FAP: variants seen among roughly 807,000 people sequenced by gnomAD.
FAP encodes the protein prolyl endopeptidase FAP.
A neutral mutation model predicts 126.5 loss-of-function variants in FAP; 110 were observed. That is an observed-to-expected ratio of 0.87 (90% CI 0.74 to 1.02). FAP has a LOEUF of 1.02. Among genes scored for constraint, FAP ranks in the 50% least tolerant of loss-of-function variants. FAP has a pLI of 0.00. For synonymous variants in FAP, 334 were observed against 297.3 expected (o/e 1.12, Z -1.27); for missense variants, 919 against 909.2 (o/e 1.01, Z -0.14).
chr2:162,199,345 G>A (rs1688398751), intron 15 of FAP, among the ~76,000 whole-genome samples: 1 of 152,158 alleles, frequency 6.6e-6, no homozygotes, highest in African/African-American at 2.4e-5. Flanking sequence ...TAAGCAAATT[G>A]GAAATAAGAA....
intron 6 of FAP, among the ~76,000 whole-genome samples, chr2:162,222,994 A>T (rs1689475743): frequency 6.6e-6 from 1 of 151,712 alleles, no homozygotes; most frequent in Non-Finnish European, 1.5e-5. Context: ...CATTCATTTA[A>T]TTTTTTCTTT....
At chr2:162,200,828 T>C (rs927258918) in intron 14 of FAP, among the ~76,000 whole-genome samples, 1 of 152,214 alleles carries the variant, frequency 6.6e-6, no homozygotes, top group African/African-American at 2.4e-5. Flanking sequence ...TAAATTATGC[T>C]GAATACTGTT....
intron 21 of FAP, among the ~76,000 whole-genome samples, chr2:162,180,428 G>T (rs1004060039): frequency 6.6e-6 from 1 of 152,138 alleles, no homozygotes; most frequent in Non-Finnish European, 1.5e-5. Context: ...TGTTGGAAAT[G>T]CACTCTCAGG....
intron 21 of FAP, among the ~76,000 whole-genome samples, chr2:162,179,944 G>C (rs1292528342): frequency 6.6e-6 from 1 of 151,824 alleles, no homozygotes; most frequent in Non-Finnish European, 1.5e-5. Context: ...GAGTAGCTGG[G>C]ATTACAGGCA....
At chr2:162,227,832 C>T (rs1308198007) in intron 2 of FAP, among the ~76,000 whole-genome samples, 2 of 152,122 alleles carry the variant, frequency 1.3e-5, no homozygotes, top group Non-Finnish European at 2.9e-5. Context: ...GTGTCTACAG[C>T]CTTTTCTAGT....
chr2:162,235,175 CCT>C (rs1279530212), intron 2 of FAP, among the ~76,000 whole-genome samples: 3 of 151,872 alleles, frequency 2.0e-5, no homozygotes, highest in Admixed American at 6.6e-5. Context: ...CCGCCCGCCC[CCT>C]GTCACCTCCT....
At chr2:162,194,952 C>G (rs1166572010) in intron 16 of FAP, 1 of 578,582 alleles carries the variant, frequency 1.7e-6, no homozygotes, top group East Asian at 2.9e-5. Flanking sequence ...ACTCAAAGAA[C>G]AGCTGTGAAA....
intron 2 of FAP, among the ~76,000 whole-genome samples, chr2:162,235,775 T>A (rs768842417): frequency 4.6e-5 from 7 of 152,176 alleles, no homozygotes; most frequent in Non-Finnish European, 8.8e-5. Context: ...TTTCGCTCTT[T>A]GCAATAAATC....
At chr2:162,186,046 T>C (rs1300740547) in intron 20 of FAP, among the ~76,000 whole-genome samples, 1 of 152,152 alleles carries the variant, frequency 6.6e-6, no homozygotes, top group Non-Finnish European at 1.5e-5. Flanking sequence ...CAGCTGCCCA[T>C]ATTCTCTGGG....
At position 162,172,793 on chromosome 2, in the gene FAP, T is replaced by C. The variant is rs1360868705; in HGVS notation, c.2181+18A>G. On this transcript the variant is annotated intron_variant, in intron 25 of 25. Transcript: ENST00000188790. ...GAGGGTCTAAGGCCATGAACATGAGTAAAACAAAATTATGTACCATTGCCT... is the reference window on the plus strand; with the variant it reads ...GAGGGTCTAAGGCCATGAACATGAGCAAAACAAAATTATGTACCATTGCCT... The C allele has an allele frequency of 1.3e-6, 2 of 1,589,950 alleles. No homozygotes were observed. Among genetic ancestry groups the C allele is most frequent in the South Asian group, 2.2e-5 (2 of 90,540 alleles).
intron 2 of FAP, among the ~76,000 whole-genome samples, chr2:162,231,700 A>C (rs576433578): frequency 6.6e-6 from 1 of 152,214 alleles, no homozygotes; most frequent in South Asian, 2.1e-4. Context: ...ATGATTTACT[A>C]TTCTCTTAAT....
At position 162,218,045 on chromosome 2, in the gene FAP, C is replaced by A. The variant is rs773891804; in HGVS notation, c.703G>T (p.Ala235Ser). 1.9e-5 allele frequency: 30 copies of A among 1,606,018 alleles called. 1 individual carries two copies. In the South Asian group the frequency reaches 3.2e-4, roughly 17 times the overall value. The change falls in exon 9 of 26, where the codon GCC (alanine) becomes TCC (serine). Residue 235 changes from alanine to serine, a missense_variant. Coordinates refer to ENST00000188790, the MANE Select transcript of FAP (RefSeq NM_004460.5). ...EFNDTDIPVI[A>S]YSYYGDEQYP... The stretch of plus-strand genomic sequence containing the variant: ...TGTTCATCGCCATAATAGGAATAGG[C>A]AATAACTGGTATATCCGTATCATTA...
intron 12 of FAP, among the ~76,000 whole-genome samples, chr2:162,205,525 T>A (rs1688668032): frequency 6.6e-6 from 1 of 152,184 alleles, no homozygotes; most frequent in Non-Finnish European, 1.5e-5. Context: ...TTTATTTTTT[T>A]ATTTTTTATG....
Position 162,172,888 on chromosome 2 carries a change from C to T in FAP, c.2108-4G>A. 6.2e-7 allele frequency: 1 copy of T among 1,609,090 alleles called. No individual in the cohort carries two copies. Among genetic ancestry groups the T allele is most frequent in the Non-Finnish European group, 8.5e-7 (1 of 1,175,928 alleles). ...GAGTTTTGAAAGTGCACATTATCTG[C>T]AACAAAGAGAGAGAGAGTTAAAGTG... On this transcript the variant is annotated splice_polypyrimidine_tract_variant and splice_region_variant and intron_variant, in intron 24 of 25. Transcript: ENST00000188790.
chr2:162,215,409 G>A (rs959467706), intron 10 of FAP, among the ~76,000 whole-genome samples: 1 of 152,188 alleles, frequency 6.6e-6, no homozygotes, highest in African/African-American at 2.4e-5. Flanking sequence ...GGGGAAGTGA[G>A]AATCCTTCAC....
At chr2:162,240,082 TGAA>T in intron 2 of FAP, among the ~76,000 whole-genome samples, 1 of 152,050 alleles carries the variant, frequency 6.6e-6, no homozygotes, top group South Asian at 2.1e-4. Context: ...GTGATGCTTG[TGAA>T]GAAGAACCTC....
chr2:162,217,530 T>G (rs536616566), intron 9 of FAP, among the ~76,000 whole-genome samples: 2 of 152,282 alleles, frequency 1.3e-5, no homozygotes, highest in African/African-American at 4.8e-5. Context: ...TTGAGACTTA[T>G]AAATTTAACC....
rs558664667 is a variant in FAP at position 162,203,418 on chromosome 2, C to T, written c.1048-273G>A. Among the ~76,000 whole-genome samples the T allele has an allele frequency of 2.9e-3, 441 of 152,174 alleles. 2 individuals carry two copies. Among genetic ancestry groups the T allele is most frequent in the African/African-American group, 0.01 (421 of 41,486 alleles). On this transcript the variant is annotated intron_variant, in intron 12 of 25. Coordinates refer to ENST00000188790, the MANE Select transcript of FAP (RefSeq NM_004460.5). ...GCTTAATTTGATTAAATTCCTAAGT[C>T]GAAGGTTATGTGGTTTGAAACGGAG...
intron 2 of FAP, among the ~76,000 whole-genome samples, chr2:162,237,642 A>G (rs1690192102): frequency 6.6e-6 from 1 of 152,172 alleles, no homozygotes; most frequent in African/African-American, 2.4e-5. Flanking sequence ...TGCTATTGTG[A>G]ACAGTGCTGC....
Sources: allele counts gnomAD v4.1 joint callset (sites outside exome capture counted in the v4.1 genomes callset), GRCh38; gene constraint gnomAD v4.1.1; transcripts MANE v1.5; gene names NCBI Gene and HGNC (gene_info 2026-07-23, HGNC 2026-07-21).